The following ANKRD31 variants were observed in gnomAD, a reference collection of about 807,000 sequenced individuals.
ANKRD31 encodes ankyrin repeat domain 31.
ANKRD31 carries 147 observed loss-of-function variants against 186.0 expected under a neutral mutation model. The ratio of observed to expected loss-of-function variants is 0.79; its 90% CI spans 0.69 to 0.91. The LOEUF (loss-of-function observed/expected upper bound fraction) is 0.91. Among genes scored for constraint, ANKRD31 ranks in the 40% least tolerant of loss-of-function variants. The probability of loss-of-function intolerance (pLI) is 0.00; values close to 1 mark genes in which losing one functional copy is unlikely to be tolerated. For missense variants in ANKRD31, 1,986 were observed against 2,148.8 expected (o/e 0.92, Z 1.50); for synonymous variants, 673 against 736.4 (o/e 0.91, Z 1.39).
At chr5:75,184,364 A>G (rs572340381) in intron 10 of ANKRD31, among the ~76,000 whole-genome samples, 1 of 152,280 alleles carries the variant, frequency 6.6e-6, no homozygotes, top group South Asian at 2.1e-4. Flanking sequence ...CCTTAAAAGC[A>G]CAGGCAACAA....
intron 15 of ANKRD31, among the ~76,000 whole-genome samples, chr5:75,140,331 TAGGA>T (rs1239804093): frequency 3.4e-4 from 18 of 53,016 alleles, no homozygotes; most frequent in Middle Eastern, 0.012. Context: ...GGAAGGAAGG[TAGGA>T]AGGAAGGAAG....
chr5:75,118,852 C>T (rs1325051304), intron 17 of ANKRD31, among the ~76,000 whole-genome samples: 4 of 152,130 alleles, frequency 2.6e-5, no homozygotes, highest in African/African-American at 9.7e-5. Flanking sequence ...ATCTCTCTAA[C>T]ACAGCCTCTT....
At chr5:75,192,798 T>A (rs1755203943) in intron 8 of ANKRD31, 22 bp from the exon 9 acceptor site, 2 of 1,476,448 alleles carry the variant, frequency 1.4e-6, no homozygotes, top group Non-Finnish European at 1.8e-6. Flanking sequence ...ACGTATTTTT[T>A]AAATGGCTAT....
chr5:75,164,295 C>A (rs1158852173), intron 11 of ANKRD31, among the ~76,000 whole-genome samples: 1 of 152,176 alleles, frequency 6.6e-6, no homozygotes, highest in Non-Finnish European at 1.5e-5. Flanking sequence ...TAGACAGAAC[C>A]AACTCACCTA....
chr5:75,223,445 A>G (rs1396930547), intron 2 of ANKRD31, among the ~76,000 whole-genome samples: 2 of 152,176 alleles, frequency 1.3e-5, no homozygotes, highest in African/African-American at 4.8e-5. Context: ...TTTGAAACTC[A>G]TAATACTAGT....
intron 15 of ANKRD31, among the ~76,000 whole-genome samples, chr5:75,142,917 G>A (rs753848933): frequency 2.0e-5 from 3 of 152,172 alleles, no homozygotes; most frequent in South Asian, 2.1e-4. Context: ...CTAGAGAGGT[G>A]TGAAGTTTCC....
intron 11 of ANKRD31, among the ~76,000 whole-genome samples, chr5:75,162,492 T>G (rs1561491238): frequency 6.6e-6 from 1 of 152,236 alleles, no homozygotes; most frequent in African/African-American, 2.4e-5. Context: ...TTGTCTTGTC[T>G]CAGATGAGAC....
intron 23 of ANKRD31, among the ~76,000 whole-genome samples, chr5:75,084,977 G>A (rs1745369932): frequency 6.6e-6 from 1 of 152,064 alleles, no homozygotes; most frequent in Non-Finnish European, 1.5e-5. Context: ...AGGCAGAACT[G>A]GTAAATTCTG....
At chr5:75,088,832 T>C (rs747136751) in intron 23 of ANKRD31, among the ~76,000 whole-genome samples, 2 of 152,238 alleles carry the variant, frequency 1.3e-5, no homozygotes, top group Non-Finnish European at 2.9e-5. Context: ...AACTGCTTTA[T>C]AAATCAAACA....
chr5:75,222,476 C>T, intron 2 of ANKRD31, 118 bp from the exon 3 acceptor site: 3 of 715,968 alleles, frequency 4.2e-6, no homozygotes, highest in African/African-American at 2.5e-5. Flanking sequence ...TATATTATTT[C>T]TTTTTTCATT....
chr5:75,151,809 G>C (rs1396417833), intron 12 of ANKRD31, among the ~76,000 whole-genome samples: 1 of 151,936 alleles, frequency 6.6e-6, no homozygotes, highest in Non-Finnish European at 1.5e-5. Flanking sequence ...TATCCTCCTG[G>C]ACATGAAGGA....
chr5:75,134,595 G>C (rs878899732), intron 17 of ANKRD31, among the ~76,000 whole-genome samples: 2 of 152,142 alleles, frequency 1.3e-5, no homozygotes, highest in Non-Finnish European at 2.9e-5. Context: ...ACGAAGAGGA[G>C]CTGGTACCAT....
At chr5:75,174,864 C>G (rs765968711) in intron 10 of ANKRD31, among the ~76,000 whole-genome samples, 28 of 152,186 alleles carry the variant, frequency 1.8e-4, no homozygotes, top group Non-Finnish European at 3.8e-4. Context: ...TTTGACGCAG[C>G]CATCCCATTA....
intron 17 of ANKRD31, 52 bp downstream of exon 17, chr5:75,137,804 C>T (rs1750712073): frequency 1.5e-6 from 2 of 1,330,928 alleles, no homozygotes; most frequent in East Asian, 2.8e-5. Context: ...TCATTTTCTT[C>T]ATTCATTTCC....
At chr5:75,115,067 T>G (rs996695022) in intron 19 of ANKRD31, among the ~76,000 whole-genome samples, 2 of 151,542 alleles carry the variant, frequency 1.3e-5, no homozygotes, top group Admixed American at 6.6e-5. Context: ...GAGATATAGA[T>G]CAATGGAACA....
At chr5:75,075,771 A>T (rs375926085) in intron 25 of ANKRD31, among the ~76,000 whole-genome samples, 5 of 152,280 alleles carry the variant, frequency 3.3e-5, no homozygotes, top group African/African-American at 1.2e-4. Context: ...TCTGACAGTA[A>T]TGTTGAGGGG....
rs1167211039 is a variant in ANKRD31 at position 75,068,364 on chromosome 5, C to A, written c.*155G>T. 1 of 620,810 alleles carries A rather than the reference C, an allele frequency of 1.6e-6. No homozygotes were observed. The highest frequency in any genetic ancestry group is 2.4e-6 in the Non-Finnish European group (1 of 421,920). 38.5% of individuals were successfully genotyped at this position (620,810 alleles called of 1,614,324 possible). ...GCATTAATCTTATATAATTGTTGAA[C>A]AGTTACATACATCTTAAGAACAGTA... On this transcript the variant is annotated 3_prime_UTR_variant, in exon 26 of 26. Transcript: ENST00000506364.
In ANKRD31 at chr5:75,154,274, A is replaced by T. The variant is rs1479810116; in HGVS notation, c.1779T>A (p.Asp593Glu). Residue 593 changes from aspartate to glutamate, a missense_variant, in exon 12 of 26, where the codon GAT (aspartate) becomes GAA (glutamate). Coordinates refer to ENST00000506364, the MANE Select transcript of ANKRD31 (RefSeq NM_001372053.1). ...FRNDDGKCAL[D>E]EAKDLCMKRL... is the part of the protein sequence containing the mutation. ...GCTTCATACATAAATCCTTGGCCTC[A>T]TCCAAAGCACATTTTCCATCATCAT... is the stretch of plus-strand genomic sequence containing the variant. The T allele has an allele frequency of 1.3e-6, 2 of 1,536,018 alleles. No individual in the cohort carries two copies. Among genetic ancestry groups the T allele is most frequent in the Non-Finnish European group, 1.7e-6 (2 of 1,146,192 alleles).
At chr5:75,168,894 G>A (rs2150187810) in intron 11 of ANKRD31, 85 bp downstream of exon 11, 4 of 1,269,854 alleles carry the variant, frequency 3.1e-6, no homozygotes, top group East Asian at 5.2e-5. Flanking sequence ...TAAAATTTCT[G>A]TATGTTTTTC....
Sources: allele counts gnomAD v4.1 joint callset (sites outside exome capture counted in the v4.1 genomes callset), GRCh38; gene constraint gnomAD v4.1.1; transcripts MANE v1.5; gene names NCBI Gene and HGNC (gene_info 2026-07-23, HGNC 2026-07-21).